Variants in VTA1 observed in about 807,000 individuals in gnomAD.
The protein encoded by VTA1 is vacuolar protein sorting-associated protein VTA1 homolog.
Under a neutral mutation model 36.9 loss-of-function variants are expected in VTA1, and 24 were observed. The ratio of observed to expected loss-of-function variants is 0.65; its 90% confidence interval spans 0.47 to 0.91. The LOEUF (loss-of-function observed/expected upper bound fraction) is 0.91. Ranked by LOEUF, VTA1 falls within the 40% of genes least tolerant of loss-of-function variation. The pLI is 0.00. For missense variants in VTA1, 393 were observed against 377.2 expected (o/e 1.04, Z -0.35); for synonymous variants, 142 against 130.2 (o/e 1.09, Z -0.62).
chr6:142,162,886 AGAG>A (rs1411202895), intron 1 of VTA1, among the ~76,000 whole-genome samples: 2 of 152,188 alleles, frequency 1.3e-5, no homozygotes, highest in Non-Finnish European at 2.9e-5. Context: ...TGTTGGAAGA[AGAG>A]GAGATTATGT....
chr6:142,161,996 A>T (rs901760259), intron 1 of VTA1, among the ~76,000 whole-genome samples: 1 of 152,222 alleles, frequency 6.6e-6, no homozygotes, highest in African/African-American at 2.4e-5. Flanking sequence ...CAATTCTTCA[A>T]TTAAAGATAT....
At chr6:142,193,034 A>G (rs1482016890) in intron 5 of VTA1, among the ~76,000 whole-genome samples, 2 of 152,030 alleles carry the variant, frequency 1.3e-5, no homozygotes, top group Admixed American at 1.3e-4. Flanking sequence ...TACCCTTTGT[A>G]GTTTTCCTTC....
At chr6:142,166,425 TCAAA>T (rs1160736109) in intron 2 of VTA1, 103 bp downstream of exon 2, 17 of 804,676 alleles carry the variant, frequency 2.1e-5, no homozygotes, top group African/African-American at 3.5e-5. Flanking sequence ...TTGGCAACAA[TCAAA>T]CAAAGCCATT....
At chr6:142,170,462 G>T in intron 4 of VTA1, 41 bp downstream of exon 4, 3 of 1,318,570 alleles carry the variant, frequency 2.3e-6, no homozygotes, top group Non-Finnish European at 3.2e-6. Context: ...CTGAAGATCA[G>T]TAATGTTTCT....
chr6:142,156,103 A>G (rs1442754444), intron 1 of VTA1, among the ~76,000 whole-genome samples: 2 of 152,212 alleles, frequency 1.3e-5, no homozygotes, highest in Non-Finnish European at 2.9e-5. Context: ...GCAGACAACT[A>G]GCATTCCTGT....
intron 6 of VTA1, among the ~76,000 whole-genome samples, chr6:142,202,636 G>C (rs909854080): frequency 6.6e-6 from 1 of 151,958 alleles, no homozygotes; most frequent in South Asian, 2.1e-4. Flanking sequence ...CCTTCTAGAA[G>C]ATTTTGGTTT....
rs183256463 is a variant in VTA1, at chr6:142,180,186, T to C, written c.412-9240T>C. Among the ~76,000 whole-genome samples the C allele has an allele frequency of 1.4e-3, 209 of 152,308 alleles. 4 individuals are homozygous for C. The highest frequency in any genetic ancestry group is 1.6e-4 in the Non-Finnish European group (11 of 68,028). The stretch of plus-strand genomic sequence containing the variant: ...TATTCTGCATAAGGAACCAGGACTT[T>C]CGTAAAAAGTGCTTAATCTAGGGCT... On this transcript the variant is annotated intron_variant, in intron 4 of 7. Transcript: ENST00000367630.
chr6:142,166,678 G>A (rs1490415886), intron 2 of VTA1, among the ~76,000 whole-genome samples: 3 of 151,718 alleles, frequency 2.0e-5, no homozygotes, highest in African/African-American at 7.3e-5. Flanking sequence ...GCATTGCAGT[G>A]GCGTGATCTC....
rs565871150 is a variant in VTA1 at position 142,222,459 on chromosome 6, C to T, written c.*3816C>T. 3 of 152,246 alleles carry T rather than the reference C, an allele frequency of 2.0e-5. No homozygotes were observed. In the South Asian group the frequency reaches 6.2e-4, roughly 32 times the overall value. The allele number at this position is 152,246 out of a possible 1,614,324, so 9.4% of individuals were successfully genotyped here. On this transcript the variant is annotated 3_prime_UTR_variant, in exon 8 of 8. Coordinates refer to ENST00000367630, the MANE Select transcript of VTA1 (RefSeq NM_016485.5). The stretch of plus-strand genomic sequence containing the variant: ...CATCAGGACTACACCAAGAAAAAGA[C>T]TCCAGTTATGGGTCTTGAAAATTAA...
In VTA1 at chr6:142,204,023, A is replaced by G. The variant is rs758111210; in HGVS notation, c.736A>G (p.Ile246Val). 2 of 1,613,594 alleles carry G rather than the reference A, an allele frequency of 1.2e-6. No homozygotes were observed. Among genetic ancestry groups the G allele is most frequent in the Non-Finnish European group, 8.5e-7 (1 of 1,179,722 alleles). The change falls in exon 7 of 8, where the codon ATA becomes GTA. Residue 246 changes from isoleucine to valine, a missense_variant. By Grantham distance (29) the Ile-to-Val change is conservative (BLOSUM62 3). Coordinates refer to ENST00000367630, the MANE Select transcript of VTA1 (RefSeq NM_016485.5). The part of the protein sequence containing the change: ...SNTIQPTPQT[I>V]PAIDPALFNT... ...TACTATCCAACCTACTCCACAGACT[A>G]TACCTGCCATTGATCCCGCACTTTT... is the stretch of plus-strand genomic sequence containing the variant.
intron 1 of VTA1, among the ~76,000 whole-genome samples, chr6:142,159,050 T>C (rs1582877080): frequency 1.3e-5 from 2 of 152,254 alleles, no homozygotes; most frequent in South Asian, 4.2e-4. Context: ...TCAGTACTCA[T>C]CAAGATCCAA....
Position 142,147,318 on chromosome 6 carries a change from C to T in VTA1, c.31C>T (p.Pro11Ser), listed in dbSNP as rs766664619. MAALAPLPPL[P>S]AQFKSIQHHL... The stretch of plus-strand genomic sequence containing the variant: ...CGCGCTTGCACCGCTGCCCCCGCTC[C>T]CCGCACAGTTCAAGAGCATACAGCA... Residue 11 changes from proline (P) to serine (S), a missense_variant, in exon 1 of 8, where the codon CCC (proline) becomes TCC (serine). Transcript: ENST00000367630. 4 of 1,614,208 alleles carry T rather than the reference C, an allele frequency of 2.5e-6. No homozygotes were observed. The highest frequency in any genetic ancestry group is 3.4e-6 in the Non-Finnish European group (4 of 1,180,034).
chr6:142,193,219 C>A (rs1322216054), intron 5 of VTA1, among the ~76,000 whole-genome samples: 1 of 152,024 alleles, frequency 6.6e-6, no homozygotes, highest in Non-Finnish European at 1.5e-5. Flanking sequence ...ATTAGTTTAA[C>A]CCTATGCATT....
chr6:142,161,389 C>T (rs112314287), intron 1 of VTA1, among the ~76,000 whole-genome samples: 2,347 of 152,034 alleles, frequency 0.015, 51 homozygotes, highest in South Asian at 0.07. Context: ...TTTTATCATG[C>T]GTATTTCATA....
At chr6:142,202,980 A>T (rs542599614) in intron 6 of VTA1, among the ~76,000 whole-genome samples, 30 of 151,998 alleles carry the variant, frequency 2.0e-4, no homozygotes, top group Non-Finnish European at 4.4e-4. Flanking sequence ...ATGTATATTT[A>T]AACCATTTTT....
chr6:142,205,869 A>C (rs1410147159), intron 7 of VTA1, among the ~76,000 whole-genome samples: 1 of 152,200 alleles, frequency 6.6e-6, no homozygotes, highest in East Asian at 1.9e-4. Flanking sequence ...GGAAGCAAAC[A>C]AAAATATGCC....
chr6:142,163,307 A>G (rs1284708520), intron 1 of VTA1, among the ~76,000 whole-genome samples: 3 of 152,060 alleles, frequency 2.0e-5, no homozygotes, highest in African/African-American at 7.2e-5. Context: ...GTAGGGAGGA[A>G]AAAAGGGAGA....
At chr6:142,208,247 T>A (rs1775834169) in intron 7 of VTA1, among the ~76,000 whole-genome samples, 1 of 151,970 alleles carries the variant, frequency 6.6e-6, no homozygotes, top group South Asian at 2.1e-4. Flanking sequence ...TTGGAATAAT[T>A]TTTCAAAAAA....
chr6:142,211,653 G>C (rs1217035602), intron 7 of VTA1, among the ~76,000 whole-genome samples: 2 of 150,388 alleles, frequency 1.3e-5, no homozygotes, highest in Middle Eastern at 3.2e-3. Context: ...AGAGCTTGCA[G>C]TGAGCTGAGA....
Sources: gnomAD v4.1 joint callset for allele counts (sites outside exome capture counted in the v4.1 genomes callset) on GRCh38, gnomAD v4.1.1 for gene constraint, MANE v1.5 for transcripts, NCBI Gene and HGNC (gene_info 2026-07-23, HGNC 2026-07-21) for gene names.